DOT1L: variants seen among roughly 807,000 people sequenced by gnomAD.
The protein encoded by DOT1L is DOT1 like histone lysine methyltransferase.
In DOT1L, 33 loss-of-function variants were observed where a neutral mutation model predicts 153.3. The observed-to-expected ratio is 0.22, with a 90% CI of 0.16 to 0.29. The LOEUF is 0.29. DOT1L is among the 10% of genes least tolerant of loss of function. DOT1L has a pLI of 1.00. For synonymous variants in DOT1L, 1,135 were observed against 965.1 expected, an observed-to-expected ratio of 1.18 and a Z score of -3.26; for missense variants, 1,847 against 2,119.9, an observed-to-expected ratio of 0.87 and a Z score of 2.53.
rs1341424254 is a variant in DOT1L, at chr19:2,211,741, C to G, written c.1466-10C>G. On this transcript the variant is annotated splice_polypyrimidine_tract_variant and intron_variant, in intron 15 of 27. Transcript: ENST00000398665. ...CTCTCTTCTCACCTGTGTTCCGCCT[C>G]TCTTCCCAGAGTCCTTCAAGATCCA... is the stretch of plus-strand genomic sequence containing the variant. The G allele has an allele frequency of 1.9e-6, 3 of 1,556,972 alleles. No homozygotes were observed. Among genetic ancestry groups the G allele is most frequent in the Admixed American group, 1.9e-5 (1 of 51,636 alleles).
chr19:2,196,171 G>A (rs1029134540), intron 7 of DOT1L, among the ~76,000 whole-genome samples: 6 of 152,260 alleles, frequency 3.9e-5, no homozygotes, highest in Non-Finnish European at 7.3e-5. Flanking sequence ...CTGTCCCACA[G>A]CACAAGTGAA....
Position 2,193,641 on chromosome 19 carries a change from G to A in DOT1L, c.494-48G>A, listed in dbSNP as rs368107617. 3.2e-6 allele frequency: 5 copies of A among 1,585,158 alleles called. No individual in the cohort carries two copies. In the African/African-American group the frequency reaches 6.7e-5, roughly 21 times the overall value. The stretch of plus-strand genomic sequence containing the variant: ...CTCCGAGCCTAGCACGGCCTCCCGG[G>A]TGGCATCTGAGCGCTGTGTGGTATC... On this transcript the variant is annotated intron_variant, in intron 5 of 27. Transcript: ENST00000398665. The surrounding 1 kb of genome is among the most constrained non-coding windows in gnomAD (Gnocchi z 5.9).
At chr19:2,211,700 C>G in intron 15 of DOT1L, 51 bp from the exon 16 acceptor site, 3 of 1,486,494 alleles carry the variant, frequency 2.0e-6, no homozygotes, top group Non-Finnish European at 2.7e-6. Context: ...CACCTCTTCC[C>G]TCTCAGTCTC....
chr19:2,227,909 T>G, intron 27 of DOT1L: 4 of 996,096 alleles, frequency 4.0e-6, no homozygotes, highest in Non-Finnish European at 4.9e-6. Flanking sequence ...GGCCGCCCCC[T>G]CCGCCTCCGC....
rs1193191143 is a variant in DOT1L, at chr19:2,229,933, G to A, written c.*141G>A. ...GACGGGAGCTCCACTGTGAATCGGCGGCACGCGCCGCAGGAGGCTGGGACT... is the reference window on the plus strand; with the variant it reads ...GACGGGAGCTCCACTGTGAATCGGCAGCACGCGCCGCAGGAGGCTGGGACT... On this transcript the variant is annotated 3_prime_UTR_variant, in exon 28 of 28. Transcript: ENST00000398665. 77 of 1,453,078 alleles carry A rather than the reference G, an allele frequency of 5.3e-5. No homozygotes were observed. In the Middle Eastern group the frequency reaches 8.1e-4, roughly 15 times the overall value. 90.0% of individuals were successfully genotyped at this position (1,453,078 alleles called of 1,614,324 possible). A position where few individuals can be genotyped will look rare whatever the true frequency, so the allele number is the denominator to read the frequency against.
intron 19 of DOT1L, among the ~76,000 whole-genome samples, chr19:2,214,934 G>A (rs1011344545): frequency 5.3e-5 from 8 of 152,204 alleles, no homozygotes; most frequent in Admixed American, 2.6e-4. Flanking sequence ...AAAAACAGCT[G>A]GATCGGTGCA....
chr19:2,211,976 C>T (rs1036328821), intron 16 of DOT1L, 134 bp downstream of exon 16: 111 of 766,150 alleles, frequency 1.4e-4, no homozygotes, highest in African/African-American at 1.3e-3. Context: ...TCACCTGCTG[C>T]GAGAAACAAA....
chr19:2,179,245 G>A (rs564650684), intron 1 of DOT1L, among the ~76,000 whole-genome samples: 20 of 152,180 alleles, frequency 1.3e-4, no homozygotes, highest in Non-Finnish European at 2.6e-4. Context: ...GGCTCGTGGC[G>A]GCTGCGTGTC....
chr19:2,205,617 T>C (rs1419014503), intron 9 of DOT1L, among the ~76,000 whole-genome samples: 1 of 152,214 alleles, frequency 6.6e-6, no homozygotes, highest in Non-Finnish European at 1.5e-5. Flanking sequence ...GTTTCCAGTT[T>C]GCATCTACAG....
At position 2,231,030 on chromosome 19, in the gene DOT1L, C is replaced by T. The variant is rs908312736; in HGVS notation, c.*1238C>T. On this transcript the variant is annotated 3_prime_UTR_variant, in exon 28 of 28. Coordinates refer to ENST00000398665, the MANE Select transcript of DOT1L (RefSeq NM_032482.3). ...TCGGCCCCCCACTCTGCAGCCTTGGCGGGTGCCTGGGACTGGGTGTGGAAG... is the reference window on the plus strand; with the variant it reads ...TCGGCCCCCCACTCTGCAGCCTTGGTGGGTGCCTGGGACTGGGTGTGGAAG... 7 of 236,312 alleles carry T rather than the reference C, an allele frequency of 3.0e-5. No individual in the cohort carries two copies. The highest frequency in any genetic ancestry group is 1.2e-4 in the East Asian group (2 of 16,588). 14.6% of individuals were successfully genotyped at this position (236,312 alleles called of 1,614,324 possible).
chr19:2,180,919 C>T lies in DOT1L; in HGVS notation c.125+163C>T, dbSNP rs192192966. ...GACTCAGGGACGGGTAGAGCTGCTT[C>T]TCCCAGCTCCATTCCTGGCCAGTGG... On this transcript the variant is annotated intron_variant, in intron 2 of 27. Coordinates refer to ENST00000398665, the MANE Select transcript of DOT1L (RefSeq NM_032482.3). 3.9e-5 allele frequency among the ~76,000 whole-genome samples: 6 copies of T among 152,332 alleles called. No homozygotes were observed. The East Asian group carries it at 1.2e-3, about 29-fold the overall frequency.
intron 25 of DOT1L, 141 bp downstream of exon 25, chr19:2,223,627 T>C: frequency 9.7e-7 from 1 of 1,035,384 alleles, no homozygotes; most frequent in Non-Finnish European, 1.4e-6. Flanking sequence ...GGCGTCTGTT[T>C]TGTGAGGGGC....
intron 27 of DOT1L, chr19:2,227,993 C>A (rs758971108): frequency 1.2e-5 from 15 of 1,286,576 alleles, no homozygotes; most frequent in South Asian, 2.5e-5. Flanking sequence ...TCCACGCCCC[C>A]CCTCCACCTA....
At chr19:2,227,932 C>T (rs2024428179) in intron 27 of DOT1L, 7 of 1,200,670 alleles carry the variant, frequency 5.8e-6, no homozygotes, top group East Asian at 7.7e-5. Context: ...CCGCCTCCCC[C>T]GCTGCCCCCG....
At chr19:2,214,352 T>C in intron 18 of DOT1L, 119 bp from the exon 19 acceptor site, 1 of 1,476,744 alleles carries the variant, frequency 6.8e-7, no homozygotes, top group South Asian at 1.4e-5. Flanking sequence ...AAACGGGGTC[T>C]GTGCCCTAAG....
Position 2,164,015 on chromosome 19 carries a change from C to G in DOT1L, c.-170C>G. ...TGACTACAAAGAGGGAGTCGGGGGC[C>G]GGGCCGGACCGGAGCGCGGCGGCGG... is the stretch of plus-strand genomic sequence containing the variant. On this transcript the variant is annotated 5_prime_UTR_variant, in exon 1 of 28. Transcript: ENST00000398665. 3.9e-6 allele frequency: 1 copy of G among 254,852 alleles called. No individual in the cohort carries two copies. The highest frequency in any genetic ancestry group is 6.6e-6 in the Non-Finnish European group (1 of 151,192). The allele number at this position is 254,852 out of a possible 1,614,324, so 15.8% of individuals were successfully genotyped here.
Position 2,220,651 on chromosome 19 carries a change from T to C in DOT1L, c.2806+429T>C. 1 of 399,400 alleles carries C rather than the reference T, an allele frequency of 2.5e-6. No individual in the cohort carries two copies. The highest frequency in any genetic ancestry group is 5.1e-6 in the Non-Finnish European group (1 of 197,936). The allele number at this position is 399,400 out of a possible 1,614,324, so 24.7% of individuals were successfully genotyped here. ...CCTTGAGAAGGTGCCGCCTGAGCAGTCTCTGCTGTTAGCCCAGTTTCTGCA... is the reference window on the plus strand; with the variant it reads ...CCTTGAGAAGGTGCCGCCTGAGCAGCCTCTGCTGTTAGCCCAGTTTCTGCA... On this transcript the variant is annotated intron_variant, in intron 23 of 27. Transcript: ENST00000398665. The surrounding 1 kb of genome is among the most constrained non-coding windows in gnomAD (Gnocchi z 4.5).
intron 1 of DOT1L, among the ~76,000 whole-genome samples, chr19:2,175,634 G>C (rs1479922321): frequency 2.0e-5 from 3 of 152,160 alleles, no homozygotes; most frequent in African/African-American, 7.2e-5. Flanking sequence ...TTCAAGACCA[G>C]CCTGGCCAAC....
At chr19:2,174,958 A>ATATG (rs2021840765) in intron 1 of DOT1L, among the ~76,000 whole-genome samples, 2 of 129,992 alleles carry the variant, frequency 1.5e-5, no homozygotes, top group African/African-American at 5.8e-5. Context: ...TTTTAAATAT[A>ATATG]TGTGTGTGTG....
Sources: allele counts gnomAD v4.1 joint callset (sites outside exome capture counted in the v4.1 genomes callset), GRCh38; gene constraint gnomAD v4.1.1; non-coding constraint Gnocchi (gnomAD v3.1); transcripts MANE v1.5; gene names NCBI Gene and HGNC (gene_info 2026-07-23, HGNC 2026-07-21).